SKAP2: variants seen among roughly 807,000 people sequenced by gnomAD.
The protein encoded by SKAP2 is src kinase-associated phosphoprotein 2.
A neutral mutation model predicts 54.9 loss-of-function variants in SKAP2; 28 were observed. The ratio of observed to expected loss-of-function variants is 0.51; its 90% CI spans 0.38 to 0.70. The LOEUF (loss-of-function observed/expected upper bound fraction) is 0.70, where lower values mean the gene tolerates loss of function less well. Among genes scored for constraint, SKAP2 ranks in the 30% least tolerant of loss-of-function variants. The pLI is 0.00. For synonymous variants in SKAP2, 137 were observed against 134.3 expected (o/e 1.02, Z -0.14); for missense variants, 356 against 424.1 (o/e 0.84, Z 1.41).
At position 26,844,152 on chromosome 7, in the gene SKAP2, A is replaced by G. The variant is rs765932866; in HGVS notation, c.200-15T>C. The G allele has an allele frequency of 2.7e-6, 4 of 1,500,900 alleles. No homozygotes were observed. Among genetic ancestry groups the G allele is most frequent in the Non-Finnish European group, 3.7e-6 (4 of 1,081,848 alleles). The allele number at this position is 1,500,900 out of a possible 1,614,324, so 93.0% of individuals were successfully genotyped here. A position where few individuals can be genotyped will look rare whatever the true frequency, so the allele number is the denominator to read the frequency against. ...TTCTGCATCACCTGTTAAAAAAAAA[A>G]AAAATCAGAGAACTGCCTTTTATAC... On this transcript the variant is annotated splice_polypyrimidine_tract_variant and intron_variant, in intron 3 of 12. Transcript: ENST00000345317.
intron 4 of SKAP2, among the ~76,000 whole-genome samples, chr7:26,802,698 T>C (rs918665005): frequency 6.6e-6 from 1 of 151,904 alleles, no homozygotes; most frequent in Non-Finnish European, 1.5e-5. Flanking sequence ...CTGGCCAACA[T>C]GGTGAAACCC....
intron 11 of SKAP2, among the ~76,000 whole-genome samples, chr7:26,675,386 A>AT (rs1309493624): frequency 6.6e-6 from 1 of 152,056 alleles, no homozygotes; most frequent in African/African-American, 2.4e-5. Flanking sequence ...AGCTGTCATG[A>AT]TTTTTTCTCT....
chr7:26,777,150 A>T (rs751373086), intron 4 of SKAP2, among the ~76,000 whole-genome samples: 28 of 152,166 alleles, frequency 1.8e-4, no homozygotes, highest in Non-Finnish European at 2.8e-4. Flanking sequence ...AAAAAAATTT[A>T]AAAAATATTT....
At chr7:26,755,366 A>G (rs115005598) in intron 4 of SKAP2, among the ~76,000 whole-genome samples, 72 of 152,228 alleles carry the variant, frequency 4.7e-4, no homozygotes, top group African/African-American at 1.6e-3. Context: ...AAGAACTGGT[A>G]CAGTCATTAA....
At chr7:26,736,768 C>G (rs1264549075) in intron 6 of SKAP2, among the ~76,000 whole-genome samples, 1 of 151,960 alleles carries the variant, frequency 6.6e-6, no homozygotes, top group Non-Finnish European at 1.5e-5. Context: ...ATGCAAATTA[C>G]AAACAATGTT....
chr7:26,769,892 C>T (rs901877736), intron 4 of SKAP2, among the ~76,000 whole-genome samples: 4 of 152,148 alleles, frequency 2.6e-5, no homozygotes, highest in Non-Finnish European at 5.9e-5. Flanking sequence ...TCTGTCGACC[C>T]CTGCTGGGAG....
At chr7:26,827,877 C>T (rs1170479103) in intron 4 of SKAP2, among the ~76,000 whole-genome samples, 1 of 152,198 alleles carries the variant, frequency 6.6e-6, no homozygotes, top group African/African-American at 2.4e-5. Flanking sequence ...AGGCCACACA[C>T]TGATAGCAAG....
downstream of SKAP2, among the ~76,000 whole-genome samples, chr7:26,665,760 C>G (rs1303347310): frequency 6.6e-6 from 1 of 151,940 alleles, no homozygotes; most frequent in Non-Finnish European, 1.5e-5. Context: ...TGGAAGAACT[C>G]AACTATAAAG....
chr7:26,691,046 A>C (rs1192308212), intron 9 of SKAP2, among the ~76,000 whole-genome samples: 3 of 152,194 alleles, frequency 2.0e-5, no homozygotes, highest in Non-Finnish European at 2.9e-5. Flanking sequence ...TAGACAAATA[A>C]TTTTTAATCC....
intron 4 of SKAP2, among the ~76,000 whole-genome samples, chr7:26,832,662 A>G (rs1251054367): frequency 6.6e-6 from 1 of 152,194 alleles, no homozygotes; most frequent in African/African-American, 2.4e-5. Flanking sequence ...AAAGAAAAAA[A>G]GAAGAAAGCT....
intron 4 of SKAP2, among the ~76,000 whole-genome samples, chr7:26,799,732 A>T (rs373803217): frequency 7.5e-4 from 114 of 152,250 alleles, no homozygotes; most frequent in Admixed American, 2.1e-3. Context: ...TCTACAAAAC[A>T]TTTCATCCAA....
chr7:26,724,348 CT>C (rs1198790558), intron 9 of SKAP2, among the ~76,000 whole-genome samples: 6 of 152,104 alleles, frequency 3.9e-5, no homozygotes, highest in Non-Finnish European at 8.8e-5. Context: ...TCACCTACCC[CT>C]CCCAATGACA....
chr7:26,678,853 A>G (rs1008273376), intron 11 of SKAP2, among the ~76,000 whole-genome samples: 2 of 152,160 alleles, frequency 1.3e-5, no homozygotes, highest in Non-Finnish European at 2.9e-5. Flanking sequence ...TCTAGTCTCT[A>G]TGCCTAATGA....
intron 4 of SKAP2, among the ~76,000 whole-genome samples, chr7:26,751,110 G>A (rs1299905941): frequency 6.6e-6 from 1 of 152,050 alleles, no homozygotes; most frequent in Non-Finnish European, 1.5e-5. Flanking sequence ...TTAAGTATCT[G>A]AAATAGGAAT....
the SKAP2 span, among the ~76,000 whole-genome samples, chr7:26,656,101 C>A: frequency 2.6e-5 from 4 of 152,206 alleles, no homozygotes; most frequent in Non-Finnish European, 5.9e-5. Context: ...ACAAACCCAA[C>A]AGAATGAGCC....
chr7:26,673,818 C>T (rs186502137), intron 11 of SKAP2, among the ~76,000 whole-genome samples: 1 of 152,094 alleles, frequency 6.6e-6, no homozygotes, highest in Admixed American at 6.6e-5. Context: ...ATTTATTGAG[C>T]AGTAAGAGTG....
chr7:26,823,425 C>CAAAAAAAAA (rs60207927), intron 4 of SKAP2, among the ~76,000 whole-genome samples: 29 of 93,984 alleles, frequency 3.1e-4, no homozygotes, highest in African/African-American at 1.2e-3. Context: ...GACTTTGTCT[C>CAAAAAAAAA]AAAAAAAAAA....
At chr7:26,855,357 A>C (rs1785139347) in intron 1 of SKAP2, among the ~76,000 whole-genome samples, 1 of 152,046 alleles carries the variant, frequency 6.6e-6, no homozygotes. Flanking sequence ...CCCTAGTATA[A>C]TCAATTTTCA....
chr7:26,837,632 A>G (rs904761474), intron 4 of SKAP2, among the ~76,000 whole-genome samples: 5 of 152,194 alleles, frequency 3.3e-5, no homozygotes, highest in African/African-American at 1.2e-4. Flanking sequence ...CCCCACCTCC[A>G]GCACTGGGAA....
Sources: allele counts gnomAD v4.1 joint callset (sites outside exome capture counted in the v4.1 genomes callset), GRCh38; gene constraint gnomAD v4.1.1; transcripts MANE v1.5; gene names NCBI Gene and HGNC (gene_info 2026-07-23, HGNC 2026-07-21).